The following PNPLA7 variants were observed in gnomAD, a reference collection of about 807,000 sequenced individuals.
The protein encoded by PNPLA7 is patatin like domain 7, lysophospholipase, also known as patatin-like phospholipase domain-containing protein 7.
PNPLA7 carries 153 observed loss-of-function variants against 161.7 expected under a neutral mutation model. That is an observed-to-expected ratio of 0.95 (90% CI 0.83 to 1.08). The LOEUF (loss-of-function observed/expected upper bound fraction) is 1.08. Among genes scored for constraint, PNPLA7 ranks in the 50% least tolerant of loss-of-function variants. PNPLA7 has a pLI of 0.00. For synonymous variants in PNPLA7, 809 were observed against 782.1 expected, an observed-to-expected ratio of 1.03 and a Z score of -0.57; for missense variants, 1,739 against 1,856.6, an observed-to-expected ratio of 0.94 and a Z score of 1.16.
intron 1 of PNPLA7, 44 bp downstream of exon 1, chr9:137,550,121 GCCC>G (rs763495223): frequency 6.8e-6 from 11 of 1,610,112 alleles, no homozygotes; most frequent in Middle Eastern, 1.7e-4. Context: ...GTCCAGAAAT[GCCC>G]CCCAACTGGG....
At chr9:137,525,428 C>G (rs1187212894) in intron 8 of PNPLA7, among the ~76,000 whole-genome samples, 1 of 152,198 alleles carries the variant, frequency 6.6e-6, no homozygotes, top group African/African-American at 2.4e-5. Flanking sequence ...TTATTTGATA[C>G]AAGGCAAGGG....
At chr9:137,535,405 T>A (rs977730902) in intron 8 of PNPLA7, among the ~76,000 whole-genome samples, 10 of 152,224 alleles carry the variant, frequency 6.6e-5, no homozygotes, top group Admixed American at 2.6e-4. Context: ...ATCCATGAAG[T>A]AAGAACAAGA....
At chr9:137,515,697 A>G (rs1388233002) in intron 11 of PNPLA7, among the ~76,000 whole-genome samples, 178 bp from the exon 12 acceptor site, 1 of 151,230 alleles carries the variant, frequency 6.6e-6, no homozygotes, top group Non-Finnish European at 1.5e-5. Context: ...AGGTGAGTGC[A>G]AGCGAGTGCC....
chr9:137,506,198 G>A (rs1198118057), intron 12 of PNPLA7, 115 bp from the exon 13 acceptor site: 5 of 781,050 alleles, frequency 6.4e-6, no homozygotes, highest in African/African-American at 5.1e-5. Flanking sequence ...CAGCTCCCTC[G>A]AGGGAGTCGG....
intron 20 of PNPLA7, chr9:137,492,218 A>C (rs1198142380): frequency 1.0e-6 from 1 of 984,922 alleles, no homozygotes; most frequent in African/African-American, 1.8e-5. Flanking sequence ...AATTCCCCAC[A>C]CTCTAGAATG....
chr9:137,494,890 C>T (rs1012514941), intron 19 of PNPLA7, 143 bp downstream of exon 19: 12 of 723,268 alleles, frequency 1.7e-5, no homozygotes, highest in Middle Eastern at 2.5e-4. Flanking sequence ...TCATCCACTC[C>T]GCGCCTTCAC....
rs187114803 is a variant in PNPLA7, at chr9:137,540,211, G to A, written c.747+431C>T. ...ACAGGAAACCATTCACTGCAACGAC[G>A]AAAAGCAAAAGACTGGGAGCCACAG... On this transcript the variant is annotated intron_variant, in intron 8 of 34. Transcript: ENST00000406427. The surrounding 1 kb of genome is among the most constrained non-coding windows in gnomAD (Gnocchi z 5.1). Among the ~76,000 whole-genome samples the A allele has an allele frequency of 2.5e-3, 376 of 152,288 alleles. 4 individuals carry two copies. Among genetic ancestry groups the A allele is most frequent in the Admixed American group, 0.018 (282 of 15,284 alleles).
intron 25 of PNPLA7, among the ~76,000 whole-genome samples, chr9:137,477,421 G>A (rs1204456206): frequency 6.6e-6 from 1 of 152,174 alleles, no homozygotes; most frequent in Non-Finnish European, 1.5e-5. Context: ...AGAGGTTTCA[G>A]AGGAGGAGGT....
Position 137,501,000 on chromosome 9 carries a change from C to T in PNPLA7, c.1552-104G>A. 9.9e-7 allele frequency: 1 copy of T among 1,009,468 alleles called. No homozygotes were observed. Among genetic ancestry groups the T allele is most frequent in the East Asian group, 2.6e-5 (1 of 38,210 alleles). The allele number at this position is 1,009,468 out of a possible 1,614,324, so 62.5% of individuals were successfully genotyped here. A position where few individuals can be genotyped will look rare whatever the true frequency, so the allele number is the denominator to read the frequency against. ...ATGCCACCAGGCTCAGCCGGGAGACCATCCGCCGACCTGATCAGCTCTGGG... is the reference window on the plus strand; with the variant it reads ...ATGCCACCAGGCTCAGCCGGGAGACTATCCGCCGACCTGATCAGCTCTGGG... On this transcript the variant is annotated intron_variant, in intron 15 of 34. Coordinates refer to ENST00000406427, the MANE Select transcript of PNPLA7 (RefSeq NM_001098537.3). The surrounding 1 kb of genome is among the most constrained non-coding windows in gnomAD (Gnocchi z 5.5).
chr9:137,508,851 T>A (rs1329235497), intron 12 of PNPLA7: 3 of 152,190 alleles, frequency 2.0e-5, no homozygotes, highest in Non-Finnish European at 4.4e-5. Flanking sequence ...AAAGGAATCA[T>A]ACAGAGAATA....
At chr9:137,497,389 C>T in intron 17 of PNPLA7, 79 bp from the exon 18 acceptor site, 2 of 1,303,846 alleles carry the variant, frequency 1.5e-6, no homozygotes, top group African/African-American at 1.5e-5. Flanking sequence ...GCCAGACAGA[C>T]TCAGGATGGA....
intron 12 of PNPLA7, chr9:137,509,064 G>C (rs1418763591): frequency 4.5e-5 from 7 of 153,892 alleles, no homozygotes; most frequent in African/African-American, 1.7e-4. Flanking sequence ...TGGGCGGCCA[G>C]TGAGCACCTG....
chr9:137,505,186 T>TTAA (rs1833847592), intron 14 of PNPLA7, among the ~76,000 whole-genome samples: 1 of 12,130 alleles, frequency 8.2e-5, no homozygotes, highest in Non-Finnish European at 1.6e-4. Context: ...AGACTCTGTC[T>TTAA]CAAAAAAAAA....
At chr9:137,472,682 C>A (rs1258256864) in intron 25 of PNPLA7, among the ~76,000 whole-genome samples, 1 of 138,446 alleles carries the variant, frequency 7.2e-6, no homozygotes, top group South Asian at 2.3e-4. Context: ...TTAGGCCAGG[C>A]AAAGTGGCTC....
chr9:137,502,391 C>T (rs1409081682), intron 14 of PNPLA7, among the ~76,000 whole-genome samples: 1 of 151,798 alleles, frequency 6.6e-6, no homozygotes, highest in African/African-American at 2.4e-5. Context: ...CATTAAACTT[C>T]CCAAACCCTG....
intron 9 of PNPLA7, among the ~76,000 whole-genome samples, chr9:137,522,114 G>T (rs936545786): frequency 6.6e-6 from 1 of 152,162 alleles, no homozygotes; most frequent in African/African-American, 2.4e-5. Flanking sequence ...TCGCTATGCC[G>T]CCCAGGCTGG....
chr9:137,505,793 G>A (rs760577142), intron 13 of PNPLA7, 33 bp from the exon 14 acceptor site: 2 of 1,611,498 alleles, frequency 1.2e-6, no homozygotes, highest in Admixed American at 3.3e-5. Context: ...GCAATTCGAA[G>A]GGATGTGGTT....
intron 12 of PNPLA7, among the ~76,000 whole-genome samples, chr9:137,513,513 A>G (rs952061095): frequency 6.6e-6 from 1 of 152,132 alleles, no homozygotes; most frequent in Admixed American, 6.5e-5. Flanking sequence ...AATAAATAAA[A>G]TAGTCTTTGG....
chr9:137,538,494 G>A (rs940738534), intron 8 of PNPLA7, among the ~76,000 whole-genome samples: 1 of 152,202 alleles, frequency 6.6e-6, no homozygotes, highest in African/African-American at 2.4e-5. Flanking sequence ...CCTAGCGCTT[G>A]GTTCTGCCTG....
Sources: allele counts gnomAD v4.1 joint callset (sites outside exome capture counted in the v4.1 genomes callset), GRCh38; gene constraint gnomAD v4.1.1; non-coding constraint Gnocchi (gnomAD v3.1); transcripts MANE v1.5; gene names NCBI Gene and HGNC (gene_info 2026-07-23, HGNC 2026-07-21).